Variants in PPP1R1C observed in about 807,000 individuals in gnomAD.
PPP1R1C encodes protein phosphatase 1 regulatory inhibitor subunit 1C.
PPP1R1C carries 15 observed loss-of-function variants against 17.4 expected under a neutral mutation model. The observed-to-expected ratio is 0.86, with a 90% CI of 0.58 to 1.33. PPP1R1C has a LOEUF of 1.33. Ranked by LOEUF, PPP1R1C falls within the 40% of genes most tolerant of loss-of-function variation. PPP1R1C has a pLI of 0.00. For missense variants in PPP1R1C, 143 were observed against 130.0 expected (o/e 1.10, Z -0.48); for synonymous variants, 35 against 43.1 (o/e 0.81, Z 0.73).
intron 2 of PPP1R1C, among the ~76,000 whole-genome samples, chr2:182,026,236 G>T (rs1686605973): frequency 9.0e-6 from 1 of 110,778 alleles, no homozygotes; most frequent in Non-Finnish European, 1.9e-5. Flanking sequence ...TGTCAATTTT[G>T]TCTTTTGTTG....
downstream of PPP1R1C, among the ~76,000 whole-genome samples, chr2:182,119,677 T>A (rs544405697): frequency 1.3e-5 from 2 of 152,364 alleles, no homozygotes; most frequent in South Asian, 4.1e-4. Context: ...CATTTTTTCA[T>A]GTGTCTGTTG....
At chr2:182,070,302 G>A (rs1688105237) in intron 4 of PPP1R1C, among the ~76,000 whole-genome samples, 1 of 152,224 alleles carries the variant, frequency 6.6e-6, no homozygotes, top group African/African-American at 2.4e-5. Context: ...ATGCTGTAAT[G>A]TGGGCAGTTA....
chr2:182,122,522 A>G (rs189280211), downstream of PPP1R1C, among the ~76,000 whole-genome samples: 9 of 152,282 alleles, frequency 5.9e-5, no homozygotes, highest in Non-Finnish European at 8.8e-5. Context: ...GTAATATATA[A>G]TTGAACGAAA....
chr2:181,987,840 T>C lies in PPP1R1C; in HGVS notation c.83T>C (p.Ile28Thr), dbSNP rs1685348154. Reference protein sequence around the residue: ...SQIAPEAAEQIRKRRPTPASL... With the variant: ...SQIAPEAAEQTRKRRPTPASL... The stretch of plus-strand genomic sequence containing the variant: ...TAGCTGGGCTTTTGTCGTTCACAGA[T>C]CAGGAAAAGAAGACCTACACCAGCA... The change falls in exon 2 of 5, where the codon ATC becomes ACC. Residue 28 changes from isoleucine (I) to threonine (T), a missense_variant and splice_region_variant. By Grantham distance (89) the Ile-to-Thr change is moderately conservative. Transcript: ENST00000682840. 3 of 1,612,734 alleles carry C rather than the reference T, an allele frequency of 1.9e-6. No individual in the cohort carries two copies. The highest frequency in any genetic ancestry group is 2.5e-6 in the Non-Finnish European group (3 of 1,179,420).
At chr2:182,077,552 T>C (rs1313608994) in intron 4 of PPP1R1C, among the ~76,000 whole-genome samples, 1 of 152,180 alleles carries the variant, frequency 6.6e-6, no homozygotes, top group Non-Finnish European at 1.5e-5. Context: ...TTCTGATCTC[T>C]GAGATAAATA....
At chr2:182,130,041 A>G (rs1440989576), downstream of PPP1R1C, 1 of 152,168 alleles carries the variant, frequency 6.6e-6, no homozygotes, top group African/African-American at 2.4e-5. Context: ...CTAAATCTAT[A>G]TTTTAAAAAT....
chr2:182,084,280 C>T (rs1003629991), intron 4 of PPP1R1C, among the ~76,000 whole-genome samples: 7 of 151,910 alleles, frequency 4.6e-5, no homozygotes, highest in East Asian at 1.9e-4. Context: ...AATTAGGTCC[C>T]GTTTATTTAT....
chr2:181,988,591 G>A lies in PPP1R1C; in HGVS notation c.142+692G>A, dbSNP rs377631487. Among the ~76,000 whole-genome samples, 141 of 152,334 alleles carry A rather than the reference G, an allele frequency of 9.3e-4. 2 individuals are homozygous for A. The South Asian group carries it at 0.029, about 31-fold the overall frequency. Reference sequence around the variant, plus strand: ...TTAAGTGCTGCTTCTGGATATACAAGTAGGATAGGAAAGGTCATGACATTA... The same window carrying A: ...TTAAGTGCTGCTTCTGGATATACAAATAGGATAGGAAAGGTCATGACATTA... On this transcript the variant is annotated intron_variant, in intron 2 of 4. Coordinates refer to ENST00000682840, the MANE Select transcript of PPP1R1C (RefSeq NM_001080545.3).
chr2:182,051,667 C>T lies in PPP1R1C; in HGVS notation c.143-9775C>T, dbSNP rs566642645. Among the ~76,000 whole-genome samples, 35 of 152,248 alleles carry T rather than the reference C, an allele frequency of 2.3e-4. No homozygotes were observed. The East Asian group carries it at 6.0e-3, about 26-fold the overall frequency. On this transcript the variant is annotated intron_variant, in intron 2 of 4. Coordinates refer to ENST00000682840, the MANE Select transcript of PPP1R1C (RefSeq NM_001080545.3). ...ACTGCCTTAGAAAACAATTAGACAACACTTCTTAATCATAAAATTTACTCA... is the reference window on the plus strand; with the variant it reads ...ACTGCCTTAGAAAACAATTAGACAATACTTCTTAATCATAAAATTTACTCA...
At chr2:181,963,442 C>T (rs1177389443) in intron 1 of PPP1R1C, among the ~76,000 whole-genome samples, 1 of 152,142 alleles carries the variant, frequency 6.6e-6, no homozygotes, top group Non-Finnish European at 1.5e-5. Context: ...AGTTCAAGAC[C>T]AGCCTGGCCA....
downstream of PPP1R1C, among the ~76,000 whole-genome samples, chr2:182,118,280 T>A (rs1353840258): frequency 2.6e-5 from 4 of 152,162 alleles, no homozygotes; most frequent in African/African-American, 9.6e-5. Context: ...AGCATTAGCA[T>A]AAAGCAAGAT....
At chr2:182,010,671 T>C (rs1574374646) in intron 2 of PPP1R1C, among the ~76,000 whole-genome samples, 1 of 152,092 alleles carries the variant, frequency 6.6e-6, no homozygotes, top group African/African-American at 2.4e-5. Context: ...TAAATAACAA[T>C]GGTGAAAGTG....
rs1396122954 is a variant in PPP1R1C at position 182,064,048 on chromosome 2, A to AT, written c.241+266dup. 428 of 425,380 alleles carry AT rather than the reference A, an allele frequency of 1.0e-3. 2 individuals are homozygous for AT. Among genetic ancestry groups the AT allele is most frequent in the East Asian group, 7.8e-3 (216 of 27,610 alleles). The allele number at this position is 425,380 out of a possible 1,614,324, so 26.4% of individuals were successfully genotyped here. A position where few individuals can be genotyped will look rare whatever the true frequency, so the allele number is the denominator to read the frequency against. The stretch of plus-strand genomic sequence containing the variant: ...TTCAGTTTCCAAAATAATGACAAAG[A>AT]TTTTTTTTTACCGTTATTCGCATAC... On this transcript the variant is annotated intron_variant, in intron 4 of 4. Transcript: ENST00000682840.
intron 2 of PPP1R1C, among the ~76,000 whole-genome samples, chr2:182,027,072 CTT>C (rs1254858189): frequency 3.4e-4 from 48 of 140,970 alleles, no homozygotes; most frequent in Non-Finnish European, 6.9e-4. Context: ...TATCCTGAGA[CTT>C]TGCTGAAGTT....
chr2:182,129,697 A>G (rs1689960721), exon 6 of PPP1R1C: 1 of 152,166 alleles, frequency 6.6e-6, no homozygotes, highest in Non-Finnish European at 1.5e-5. Flanking sequence ...AAATGAACCA[A>G]TAATCCAACA....
chr2:181,969,742 A>G (rs1182593604), intron 1 of PPP1R1C, among the ~76,000 whole-genome samples: 1 of 151,836 alleles, frequency 6.6e-6, no homozygotes, highest in Non-Finnish European at 1.5e-5. Flanking sequence ...AAACTCTTAG[A>G]TTTACTATTT....
intron 4 of PPP1R1C, among the ~76,000 whole-genome samples, chr2:182,100,510 G>GA (rs34715175): frequency 0.077 from 10,011 of 130,688 alleles, 631 homozygotes; most frequent in Admixed American, 0.21. Flanking sequence ...TTCCATCTCG[G>GA]AAAAAAAAAA....
intron 2 of PPP1R1C, among the ~76,000 whole-genome samples, chr2:182,008,260 C>T (rs562660866): frequency 3.3e-5 from 5 of 152,108 alleles, no homozygotes; most frequent in Admixed American, 3.3e-4. Context: ...GGGACAGACT[C>T]AATAGTTTCA....
intron 2 of PPP1R1C, among the ~76,000 whole-genome samples, chr2:182,013,369 C>T (rs889754398): frequency 1.3e-5 from 2 of 152,108 alleles, no homozygotes; most frequent in Non-Finnish European, 2.9e-5. Flanking sequence ...CTCTCCTGGC[C>T]TGTAAGGTTT....
Sources: gnomAD v4.1 joint callset for allele counts (sites outside exome capture counted in the v4.1 genomes callset) on GRCh38, gnomAD v4.1.1 for gene constraint, MANE v1.5 for transcripts, NCBI Gene and HGNC (gene_info 2026-07-23, HGNC 2026-07-21) for gene names.